ARHGEF28: variants seen among roughly 807,000 people sequenced by gnomAD.
ARHGEF28 encodes 190 kDa guanine nucleotide exchange factor.
In ARHGEF28, 152 loss-of-function variants were observed where a neutral mutation model predicts 206.6. The ratio of observed to expected loss-of-function variants is 0.74; its 90% CI spans 0.64 to 0.84. The LOEUF (loss-of-function observed/expected upper bound fraction) is 0.84, where lower values mean the gene tolerates loss of function less well. Among genes scored for constraint, ARHGEF28 ranks in the 40% least tolerant of loss-of-function variants. The probability of loss-of-function intolerance (pLI) is 0.00; values close to 1 mark genes in which losing one functional copy is unlikely to be tolerated. For synonymous variants in ARHGEF28, 763 were observed against 776.4 expected (o/e 0.98, Z 0.29); for missense variants, 2,028 against 2,073.2 (o/e 0.98, Z 0.42).
intron 10 of ARHGEF28, among the ~76,000 whole-genome samples, chr5:73,834,074 A>T (rs1757458750): frequency 1.3e-5 from 2 of 152,138 alleles, no homozygotes; most frequent in South Asian, 4.1e-4. Context: ...TATAATGAAC[A>T]AATAGAAATT....
At chr5:73,864,951 T>G (rs76977021) in intron 17 of ARHGEF28, 79 bp downstream of exon 17, 1 of 1,255,174 alleles carries the variant, frequency 8.0e-7, no homozygotes. Flanking sequence ...CTCTTTTTTA[T>G]TACCATCTAG....
At chr5:73,650,990 T>C (rs1002826429) in intron 1 of ARHGEF28, among the ~76,000 whole-genome samples, 1 of 152,230 alleles carries the variant, frequency 6.6e-6, no homozygotes, top group Non-Finnish European at 1.5e-5. Flanking sequence ...GAGGAATTAA[T>C]AGTAGAAACT....
At position 73,780,659 on chromosome 5, in the gene ARHGEF28, T is replaced by TC; in HGVS notation, c.841-13dup. 1 of 1,539,606 alleles carries TC rather than the reference T, an allele frequency of 6.5e-7. No individual in the cohort carries two copies. The highest frequency in any genetic ancestry group is 8.8e-7 in the Non-Finnish European group (1 of 1,142,792). ...TTTCTGTGCTTTTTTGTTTTTTTTT[T>TC]CCCCATTGTTTCCTAGGCCTTTGAG... On this transcript the variant is annotated splice_polypyrimidine_tract_variant and intron_variant, in intron 6 of 35. Transcript: ENST00000513042.
chr5:73,694,022 G>T (rs996022078), intron 2 of ARHGEF28, among the ~76,000 whole-genome samples: 1 of 152,222 alleles, frequency 6.6e-6, no homozygotes, highest in African/African-American at 2.4e-5. Context: ...GCTGCTGCAG[G>T]AGATTGCTTG....
chr5:73,820,291 C>T (rs866449989), intron 9 of ARHGEF28, among the ~76,000 whole-genome samples: 50 of 152,080 alleles, frequency 3.3e-4, no homozygotes, highest in Admixed American at 2.1e-3. Flanking sequence ...GGTATCTTTA[C>T]GTAAAATATT....
intron 2 of ARHGEF28, among the ~76,000 whole-genome samples, chr5:73,746,141 T>G (rs1018435778): frequency 6.6e-6 from 1 of 152,138 alleles, no homozygotes; most frequent in Non-Finnish European, 1.5e-5. Flanking sequence ...TTTGGCAATT[T>G]GTGACAACTT....
chr5:73,845,986 C>CAAAAAAAAAAAAAAAAAAAAAAAAGAAA (rs1758320427), intron 11 of ARHGEF28, among the ~76,000 whole-genome samples: 1 of 63,736 alleles, frequency 1.6e-5, no homozygotes, highest in Middle Eastern at 9.6e-3. Flanking sequence ...AAAACTGTCT[C>CAAAAAAAAAAAAAAAAAAAAAAAAGAAA]AAAAAAAAAA....
intron 2 of ARHGEF28, among the ~76,000 whole-genome samples, chr5:73,729,008 G>A (rs1199395605): frequency 6.6e-6 from 1 of 152,198 alleles, no homozygotes; most frequent in Non-Finnish European, 1.5e-5. Flanking sequence ...TATCACTGCA[G>A]TCTGAAGGGA....
intron 9 of ARHGEF28, among the ~76,000 whole-genome samples, chr5:73,831,148 T>C (rs1757274844): frequency 6.6e-6 from 1 of 152,182 alleles, no homozygotes; most frequent in Non-Finnish European, 1.5e-5. Flanking sequence ...TGACCAATAA[T>C]ATTTATTGAG....
At chr5:73,828,332 T>C (rs143850004) in intron 9 of ARHGEF28, among the ~76,000 whole-genome samples, 20 of 152,216 alleles carry the variant, frequency 1.3e-4, no homozygotes, top group African/African-American at 4.3e-4. Context: ...TCCTATTGTC[T>C]TGAGGCATCC....
At chr5:73,913,395 G>C (rs180799278) in intron 35 of ARHGEF28, among the ~76,000 whole-genome samples, 222 of 152,320 alleles carry the variant, frequency 1.5e-3, no homozygotes, top group African/African-American at 5.1e-3. Context: ...AAGAAAGTCA[G>C]AGAATAGGCG....
chr5:73,873,370 T>C (rs921654265), intron 22 of ARHGEF28, 124 bp downstream of exon 22: 1 of 1,282,296 alleles, frequency 7.8e-7, no homozygotes, highest in African/African-American at 1.5e-5. Flanking sequence ...ATTCTGAGGA[T>C]GTGTTTACCA....
At position 73,846,329 on chromosome 5, in the gene ARHGEF28, A is replaced by T. The variant is rs1159285190; in HGVS notation, c.1489A>T (p.Ile497Phe). The T allele has an allele frequency of 6.2e-7, 1 of 1,613,870 alleles. No homozygotes were observed. The highest frequency in any genetic ancestry group is 2.2e-5 in the East Asian group (1 of 44,864). Residue 497 changes from isoleucine to phenylalanine, a missense_variant, in exon 12 of 36, where the codon ATC (isoleucine) becomes TTC (phenylalanine). By Grantham distance (21) the Ile-to-Phe change is conservative. Coordinates refer to ENST00000513042, the MANE Select transcript of ARHGEF28 (RefSeq NM_001177693.2). Reference protein sequence around the residue: ...EGEGHSEPSHICYTPGSQSSS... With the variant: ...EGEGHSEPSHFCYTPGSQSSS... Reference sequence around the variant, plus strand: ...GGAAGGGCATTCTGAGCCATCCCACATCTGTTACACTCCAGGGTCTCAGAG... The same window carrying T: ...GGAAGGGCATTCTGAGCCATCCCACTTCTGTTACACTCCAGGGTCTCAGAG...
intron 10 of ARHGEF28, among the ~76,000 whole-genome samples, chr5:73,832,801 A>G (rs989398428): frequency 5.3e-5 from 8 of 152,226 alleles, no homozygotes; most frequent in Non-Finnish European, 5.9e-5. Flanking sequence ...CAGTATGTAT[A>G]TGACCTGATT....
chr5:73,909,723 C>T lies in ARHGEF28; in HGVS notation c.4473C>T (p.Gly1491=), dbSNP rs1230158901. 1.4e-5 allele frequency: 21 copies of T among 1,517,836 alleles called. No homozygotes were observed. Among genetic ancestry groups the T allele is most frequent in the Non-Finnish European group, 1.6e-5 (18 of 1,131,892 alleles). The allele number at this position is 1,517,836 out of a possible 1,614,324, so 94.0% of individuals were successfully genotyped here. The part of the protein sequence containing the change: ...SQEELLLRSR[G]ELDLQLQEYQ... ...AGGAGCTGCTGCTGCGGAGCCGGGG[C>T]GAGCTGGACCTCCAGCTCCAGGAGT... Residue 1491 remains glycine (G), a synonymous_variant, in exon 34 of 36, where the codon GGC becomes GGT. Coordinates refer to ENST00000513042, the MANE Select transcript of ARHGEF28 (RefSeq NM_001177693.2).
rs1247276217 is a variant in ARHGEF28, at chr5:73,847,100, C to T, written c.1635+625C>T. 3.3e-5 allele frequency among the ~76,000 whole-genome samples: 5 copies of T among 151,968 alleles called. No individual in the cohort carries two copies. In the East Asian group the frequency reaches 5.8e-4, roughly 18 times the overall value. On this transcript the variant is annotated intron_variant, in intron 12 of 35. Coordinates refer to ENST00000513042, the MANE Select transcript of ARHGEF28 (RefSeq NM_001177693.2). ...CTCTGAATGTAAGAAAGCCCTTTTG[C>T]GTTTGAACAGATTTTTTTTCCCTGT...
intron 35 of ARHGEF28, among the ~76,000 whole-genome samples, chr5:73,928,619 C>T (rs1401685907): frequency 3.3e-5 from 5 of 152,108 alleles, no homozygotes; most frequent in African/African-American, 1.2e-4. Flanking sequence ...GTTTTTCCCT[C>T]TACTGAACCA....
chr5:73,782,522 G>A (rs1753909370), intron 7 of ARHGEF28, among the ~76,000 whole-genome samples: 1 of 152,202 alleles, frequency 6.6e-6, no homozygotes, highest in African/African-American at 2.4e-5. Context: ...CTGAGTCTGT[G>A]TGGCCCATCC....
chr5:73,781,173 G>T (rs1237226639), intron 7 of ARHGEF28, among the ~76,000 whole-genome samples: 1 of 152,060 alleles, frequency 6.6e-6, no homozygotes, highest in Non-Finnish European at 1.5e-5. Flanking sequence ...TTGTCATCAC[G>T]AGGGTCGGGG....
Sources: gnomAD v4.1 joint callset for allele counts (sites outside exome capture counted in the v4.1 genomes callset) on GRCh38, gnomAD v4.1.1 for gene constraint, MANE v1.5 for transcripts, NCBI Gene and HGNC (gene_info 2026-07-23, HGNC 2026-07-21) for gene names.